UBE2E2: variants seen among roughly 807,000 people sequenced by gnomAD.
UBE2E2 encodes ubiquitin conjugating enzyme E2 E2, also known as ubiquitin-conjugating enzyme E2 E2.
Under a neutral mutation model 24.7 loss-of-function variants are expected in UBE2E2, and 6 were observed. That is an observed-to-expected ratio of 0.24 (90% CI 0.13 to 0.48). UBE2E2 has a LOEUF of 0.48. Among genes scored for constraint, UBE2E2 ranks in the 20% least tolerant of loss-of-function variants. The pLI is 0.99. For synonymous variants in UBE2E2, 104 were observed against 83.6 expected (o/e 1.24, Z -1.33); for missense variants, 169 against 245.0 (o/e 0.69, Z 2.07).
At position 23,440,594 on chromosome 3, in the gene UBE2E2, C is replaced by T. The variant is rs554458692; in HGVS notation, c.228-59014C>T. ...AAGGAAGTGGTCAGATCATGCCAGCCAAACAAATCTGTCAGGCTTTGAAAT... is the reference window on the plus strand; with the variant it reads ...AAGGAAGTGGTCAGATCATGCCAGCTAAACAAATCTGTCAGGCTTTGAAAT... On this transcript the variant is annotated intron_variant, in intron 3 of 5. Coordinates refer to ENST00000396703, the MANE Select transcript of UBE2E2 (RefSeq NM_152653.4). Among the ~76,000 whole-genome samples, 14 of 152,122 alleles carry T rather than the reference C, an allele frequency of 9.2e-5. No individual in the cohort carries two copies. In the South Asian group the frequency reaches 1.0e-3, roughly 11 times the overall value.
chr3:23,413,191 TATA>T (rs1697536617), intron 3 of UBE2E2, among the ~76,000 whole-genome samples: 2 of 131,480 alleles, frequency 1.5e-5, no homozygotes, highest in South Asian at 2.5e-4. Context: ...AAACTTAAAG[TATA>T]ATAATAATAA....
At chr3:23,389,002 CAAAAAAA>C (rs34578427) in intron 3 of UBE2E2, among the ~76,000 whole-genome samples, 6,236 of 81,154 alleles carry the variant, frequency 0.077, 464 homozygotes, top group African/African-American at 0.24. Context: ...ACTCCATTTC[CAAAAAAA>C]AAAAAAAAAG....
chr3:23,262,455 T>G (rs1440255252), intron 3 of UBE2E2, among the ~76,000 whole-genome samples: 10 of 151,458 alleles, frequency 6.6e-5, no homozygotes, highest in Admixed American at 3.9e-4. Flanking sequence ...TTAAAAAATG[T>G]TTTTTTGTGG....
intron 5 of UBE2E2, among the ~76,000 whole-genome samples, chr3:23,579,748 A>T (rs1026585593): frequency 6.6e-6 from 1 of 152,196 alleles, no homozygotes; most frequent in Non-Finnish European, 1.5e-5. Context: ...TATAGTTTCC[A>T]TAGATGGCGA....
At chr3:23,537,685 G>A (rs546339310) in intron 5 of UBE2E2, among the ~76,000 whole-genome samples, 3 of 152,006 alleles carry the variant, frequency 2.0e-5, no homozygotes, top group East Asian at 1.9e-4. Flanking sequence ...ATCACTTAAG[G>A]CCCTTTTTTT....
At chr3:23,562,370 T>C (rs986350233) in intron 5 of UBE2E2, among the ~76,000 whole-genome samples, 7 of 152,194 alleles carry the variant, frequency 4.6e-5, no homozygotes, top group Non-Finnish European at 1.0e-4. Flanking sequence ...CTGGATTACG[T>C]TTATTGATTT....
intron 3 of UBE2E2, among the ~76,000 whole-genome samples, chr3:23,284,396 C>T (rs1421094234): frequency 1.3e-5 from 2 of 151,998 alleles, no homozygotes; most frequent in East Asian, 1.9e-4. Flanking sequence ...GCTAAAATAA[C>T]GTAAGGTGAT....
At chr3:23,269,903 A>T (rs1405245506) in intron 3 of UBE2E2, among the ~76,000 whole-genome samples, 1 of 152,232 alleles carries the variant, frequency 6.6e-6, no homozygotes, top group African/African-American at 2.4e-5. Context: ...TCTCAGCCGT[A>T]GCAGCCCCAG....
At chr3:23,408,791 G>A (rs759466585) in intron 3 of UBE2E2, among the ~76,000 whole-genome samples, 1 of 152,108 alleles carries the variant, frequency 6.6e-6, no homozygotes, top group Non-Finnish European at 1.5e-5. Context: ...TCTTTTGGGA[G>A]TATACTTGTT....
intron 3 of UBE2E2, among the ~76,000 whole-genome samples, chr3:23,244,223 T>C (rs1697328546): frequency 6.6e-6 from 1 of 152,120 alleles, no homozygotes; most frequent in Non-Finnish European, 1.5e-5. Flanking sequence ...ACTTTTAAGC[T>C]GCATATGCCT....
chr3:23,356,957 T>C (rs1033169178), intron 3 of UBE2E2, among the ~76,000 whole-genome samples: 1 of 152,242 alleles, frequency 6.6e-6, no homozygotes, highest in African/African-American at 2.4e-5. Context: ...TGGGTGATTC[T>C]CTGGGGTGAC....
intron 3 of UBE2E2, among the ~76,000 whole-genome samples, chr3:23,233,373 C>G (rs1463585981): frequency 1.3e-5 from 2 of 152,092 alleles, no homozygotes; most frequent in Admixed American, 6.5e-5. Context: ...TATGGTCCTA[C>G]TTTGCAAACC....
intron 2 of UBE2E2, among the ~76,000 whole-genome samples, chr3:23,215,550 G>A (rs1696452946): frequency 1.3e-5 from 2 of 151,614 alleles, no homozygotes; most frequent in South Asian, 4.2e-4. Flanking sequence ...TTTCCTTCTG[G>A]GATTTCTGAT....
At chr3:23,373,852 A>G (rs1696455626) in intron 3 of UBE2E2, among the ~76,000 whole-genome samples, 1 of 152,204 alleles carries the variant, frequency 6.6e-6, no homozygotes, top group South Asian at 2.1e-4. Context: ...TTCTCAGTCC[A>G]TGGGAATTGT....
intron 3 of UBE2E2, among the ~76,000 whole-genome samples, chr3:23,306,007 G>A (rs1270847931): frequency 1.3e-5 from 2 of 152,008 alleles, no homozygotes; most frequent in Non-Finnish European, 2.9e-5. Context: ...TTTTGTTCAA[G>A]GGCTGACATG....
At chr3:23,377,876 T>C (rs1166452545) in intron 3 of UBE2E2, among the ~76,000 whole-genome samples, 1 of 152,212 alleles carries the variant, frequency 6.6e-6, no homozygotes, top group Non-Finnish European at 1.5e-5. Context: ...TCAACAGCTT[T>C]TATGTACATC....
intron 3 of UBE2E2, among the ~76,000 whole-genome samples, chr3:23,349,955 C>A (rs1008093005): frequency 2.6e-5 from 4 of 152,164 alleles, no homozygotes; most frequent in African/African-American, 9.7e-5. Flanking sequence ...TGACCCCTGA[C>A]CCCCGAGCAG....
intron 5 of UBE2E2, among the ~76,000 whole-genome samples, chr3:23,575,149 T>C (rs1696320288): frequency 6.6e-6 from 1 of 152,198 alleles, no homozygotes; most frequent in Non-Finnish European, 1.5e-5. Flanking sequence ...GTGTAGACAA[T>C]GCCAGATGTT....
chr3:23,511,836 G>C (rs1023974278), intron 4 of UBE2E2, among the ~76,000 whole-genome samples: 16 of 152,112 alleles, frequency 1.1e-4, no homozygotes, highest in African/African-American at 3.9e-4. Flanking sequence ...AACCTCATTT[G>C]TTGTTAATAA....
Sources: allele counts gnomAD v4.1 joint callset (sites outside exome capture counted in the v4.1 genomes callset), GRCh38; gene constraint gnomAD v4.1.1; transcripts MANE v1.5; gene names NCBI Gene and HGNC (gene_info 2026-07-23, HGNC 2026-07-21).